Variants in ZBTB16 observed in about 807,000 individuals in gnomAD.
ZBTB16 encodes zinc finger and BTB domain containing 16, also known as zinc finger and BTB domain-containing protein 16.
ZBTB16 carries 8 observed loss-of-function variants against 56.8 expected under a neutral mutation model. The ratio of observed to expected loss-of-function variants is 0.14; its 90% CI spans 0.08 to 0.25. The LOEUF (loss-of-function observed/expected upper bound fraction) is 0.25. Among genes scored for constraint, ZBTB16 ranks in the 10% least tolerant of loss-of-function variants. The pLI is 1.00. For synonymous variants in ZBTB16, 363 were observed against 368.5 expected (o/e 0.98, Z 0.17); for missense variants, 625 against 903.0 (o/e 0.69, Z 3.95).
chr11:114,218,583 T>G (rs1944160479), intron 4 of ZBTB16, among the ~76,000 whole-genome samples: 1 of 152,222 alleles, frequency 6.6e-6, no homozygotes, highest in Admixed American at 6.5e-5. Context: ...ATAAAGACTT[T>G]GTGGTTGAGT....
intron 3 of ZBTB16, 60 bp from the exon 4 acceptor site, chr11:114,186,892 G>T (rs771854572): frequency 6.4e-7 from 1 of 1,550,780 alleles, no homozygotes; most frequent in Non-Finnish European, 8.9e-7. Context: ...TGTGGCCCAG[G>T]ACCTCCCCGC....
Position 114,083,133 on chromosome 11 carries a change from T to C in ZBTB16, c.1268+18565T>C, listed in dbSNP as rs1172912087. Among the ~76,000 whole-genome samples the C allele has an allele frequency of 2.6e-5, 4 of 152,130 alleles. No individual in the cohort carries two copies. The East Asian group carries it at 5.8e-4, about 22-fold the overall frequency. On this transcript the variant is annotated intron_variant, in intron 2 of 6. Transcript: ENST00000335953. ...TGGTTCCACGGATGCCTTTTTGTGG[T>C]TGGATAAAGGAAGCTCATGTAGGCC...
In ZBTB16 at chr11:114,060,491, G is replaced by C. The variant is rs957513463; in HGVS notation, c.-91+609G>C. 1.3e-5 allele frequency: 2 copies of C among 152,044 alleles called. No homozygotes were observed. Among genetic ancestry groups the C allele is most frequent in the African/African-American group, 4.8e-5 (2 of 41,418 alleles). 9.4% of individuals were successfully genotyped at this position (152,044 alleles called of 1,614,324 possible). A position where few individuals can be genotyped will look rare whatever the true frequency, so the allele number is the denominator to read the frequency against. On this transcript the variant is annotated intron_variant, in intron 1 of 6. Coordinates refer to ENST00000335953, the MANE Select transcript of ZBTB16 (RefSeq NM_006006.6). This position sits in a 1 kb window ranked among gnomAD's most constrained non-coding sequence, Gnocchi z 6.0. ...CCCCTTTTGCAGGGGAGGGAGGGAA[G>C]CTCCAGAGGGTCTGCAGCGCTGCGG...
At chr11:114,201,281 T>A (rs1449571789) in intron 4 of ZBTB16, among the ~76,000 whole-genome samples, 1 of 152,054 alleles carries the variant, frequency 6.6e-6, no homozygotes, top group East Asian at 1.9e-4. Flanking sequence ...AGACAACCTC[T>A]TCTGAGTTAG....
Position 114,059,847 on chromosome 11 carries a change from A to T in ZBTB16, c.-126A>T. On this transcript the variant is annotated 5_prime_UTR_variant, in exon 1 of 7. Coordinates refer to ENST00000335953, the MANE Select transcript of ZBTB16 (RefSeq NM_006006.6). This position sits in a 1 kb window ranked among gnomAD's most constrained non-coding sequence, Gnocchi z 5.3. ...CACAGGCACACACCCCCCGACAGGC[A>T]CGCACACCCACCCCACAGTGCCCGG... 1 of 397,128 alleles carries T rather than the reference A, an allele frequency of 2.5e-6. No homozygotes were observed. The highest frequency in any genetic ancestry group is 4.4e-6 in the Non-Finnish European group (1 of 225,358). The allele number at this position is 397,128 out of a possible 1,614,324, so 24.6% of individuals were successfully genotyped here. A position where few individuals can be genotyped will look rare whatever the true frequency, so the allele number is the denominator to read the frequency against.
intron 4 of ZBTB16, among the ~76,000 whole-genome samples, chr11:114,225,098 G>T (rs1305626145): frequency 6.6e-6 from 1 of 152,196 alleles, no homozygotes; most frequent in Non-Finnish European, 1.5e-5. Context: ...GGGAGTTCAG[G>T]AATTGGCCAG....
intron 3 of ZBTB16, among the ~76,000 whole-genome samples, chr11:114,178,735 T>A (rs543920941): frequency 2.0e-5 from 3 of 152,288 alleles, no homozygotes; most frequent in African/African-American, 4.8e-5. Context: ...ACCATGCAGC[T>A]TCCTAGTAGC....
At chr11:114,218,959 G>T (rs1591792206) in intron 4 of ZBTB16, among the ~76,000 whole-genome samples, 1 of 152,282 alleles carries the variant, frequency 6.6e-6, no homozygotes, top group East Asian at 1.9e-4. Context: ...GTTTTTTCCT[G>T]TCTCTTTTGC....
At chr11:114,242,054 G>C in intron 4 of ZBTB16, 113 bp from the exon 5 acceptor site, 1 of 1,415,086 alleles carries the variant, frequency 7.1e-7, no homozygotes, top group Non-Finnish European at 9.8e-7. Flanking sequence ...ATTTGCCCCT[G>C]AGCATGGGGA....
At chr11:114,148,566 T>C (rs1470359303) in intron 2 of ZBTB16, among the ~76,000 whole-genome samples, 1 of 151,186 alleles carries the variant, frequency 6.6e-6, no homozygotes, top group East Asian at 1.9e-4. Context: ...CGATCTCGAC[T>C]TACTGCAACC....
At chr11:114,072,916 G>C (rs1345729105) in intron 2 of ZBTB16, among the ~76,000 whole-genome samples, 2 of 151,994 alleles carry the variant, frequency 1.3e-5, no homozygotes, top group African/African-American at 4.8e-5. Context: ...GCCGGGCGTG[G>C]TGGGGGGCGC....
intron 4 of ZBTB16, among the ~76,000 whole-genome samples, chr11:114,210,198 C>CGCGCGCGT (rs1387099308): frequency 1.3e-4 from 16 of 126,412 alleles, no homozygotes; most frequent in African/African-American, 4.4e-4. Flanking sequence ...TGTGTGCGTG[C>CGCGCGCGT]GCGCGCGTGC....
chr11:114,105,903 T>C (rs998917436), intron 2 of ZBTB16, among the ~76,000 whole-genome samples: 1 of 152,176 alleles, frequency 6.6e-6, no homozygotes, highest in African/African-American at 2.4e-5. Flanking sequence ...GGGAAAGTGG[T>C]TTTTCTTCAT....
chr11:114,148,335 G>GGCTTGCTT (rs1555143858), intron 2 of ZBTB16, among the ~76,000 whole-genome samples: 7 of 91,374 alleles, frequency 7.7e-5, no homozygotes, highest in Admixed American at 1.1e-4. Flanking sequence ...ATGGCTGGCT[G>GGCTTGCTT]GCTTCCTTCC....
In ZBTB16 at chr11:114,206,980, A is replaced by G. The variant is rs530994132; in HGVS notation, c.1453+19942A>G. On this transcript the variant is annotated intron_variant, in intron 4 of 6. Coordinates refer to ENST00000335953, the MANE Select transcript of ZBTB16 (RefSeq NM_006006.6). ...GGGAAAGGACCCTAGTGAGAGGTTT[A>G]TCACATAAGACCCCAGGATGGCGGC... is the stretch of plus-strand genomic sequence containing the variant. 1.1e-4 allele frequency among the ~76,000 whole-genome samples: 16 copies of G among 152,338 alleles called. No homozygotes were observed. The South Asian group carries it at 2.9e-3, about 28-fold the overall frequency.
At chr11:114,183,648 C>A (rs1943301167) in intron 3 of ZBTB16, among the ~76,000 whole-genome samples, 1 of 152,190 alleles carries the variant, frequency 6.6e-6, no homozygotes. Context: ...GCGGATAGAA[C>A]CCAAGGAAGA....
chr11:114,198,527 G>A (rs1943656869), intron 4 of ZBTB16, among the ~76,000 whole-genome samples: 1 of 152,058 alleles, frequency 6.6e-6, no homozygotes, highest in Non-Finnish European at 1.5e-5. Flanking sequence ...TGGCTCCCAG[G>A]GCCCCTCTGG....
intron 3 of ZBTB16, among the ~76,000 whole-genome samples, chr11:114,182,532 A>G (rs991451617): frequency 6.6e-6 from 1 of 152,064 alleles, no homozygotes; most frequent in Admixed American, 6.6e-5. Context: ...ACATTCAAAA[A>G]CCAGCCCCCG....
chr11:114,098,601 G>A (rs1940501973), intron 2 of ZBTB16, among the ~76,000 whole-genome samples: 2 of 151,286 alleles, frequency 1.3e-5, no homozygotes, highest in Non-Finnish European at 2.9e-5. Flanking sequence ...ACCAGCACGG[G>A]AGCCTTAGAA....
Sources: allele counts gnomAD v4.1 joint callset (sites outside exome capture counted in the v4.1 genomes callset), GRCh38; gene constraint gnomAD v4.1.1; non-coding constraint Gnocchi (gnomAD v3.1); transcripts MANE v1.5; gene names NCBI Gene and HGNC (gene_info 2026-07-23, HGNC 2026-07-21).